Variants in SLC7A1 observed in about 807,000 individuals in gnomAD.
The protein encoded by SLC7A1 is high affinity cationic amino acid transporter 1.
SLC7A1 carries 10 observed loss-of-function variants against 53.9 expected under a neutral mutation model. That is an observed-to-expected ratio of 0.19 (90% CI 0.11 to 0.31). The LOEUF is 0.31. SLC7A1 is among the 10% of genes least tolerant of loss of function. SLC7A1 has a pLI of 1.00. For synonymous variants in SLC7A1, 342 were observed against 338.7 expected (o/e 1.01, Z -0.11); for missense variants, 525 against 827.2 (o/e 0.63, Z 4.48).
Position 29,510,976 on chromosome 13 carries a change from C to T in SLC7A1, c.*3504G>A, listed in dbSNP as rs1486343363. 6.6e-6 allele frequency: 1 copy of T among 152,320 alleles called. No homozygotes were observed. The highest frequency in any genetic ancestry group is 1.5e-5 in the Non-Finnish European group (1 of 68,090). 9.4% of individuals were successfully genotyped at this position (152,320 alleles called of 1,614,324 possible). The stretch of plus-strand genomic sequence containing the variant: ...GACTCATTGCCCTGTCTCCAGTCTC[C>T]ACTGTGGGTTGGGCTGGAGGCCATG... On this transcript the variant is annotated 3_prime_UTR_variant, in exon 13 of 13. Transcript: ENST00000380752.
intron 7 of SLC7A1, 77 bp downstream of exon 7, chr13:29,523,189 T>C (rs1868711359): frequency 1.7e-6 from 2 of 1,194,838 alleles, no homozygotes; most frequent in South Asian, 2.5e-5. Flanking sequence ...CTCGCATGGC[T>C]GTACCTGGCC....
chr13:29,533,402 C>A (rs554088485), intron 3 of SLC7A1, among the ~76,000 whole-genome samples: 4 of 152,292 alleles, frequency 2.6e-5, no homozygotes, highest in African/African-American at 9.6e-5. Context: ...GTGCAGCTGG[C>A]AGTCTGGAGG....
chr13:29,521,164 C>T (rs17073593), intron 8 of SLC7A1, among the ~76,000 whole-genome samples: 3,006 of 152,272 alleles, frequency 0.02, 106 homozygotes, highest in African/African-American at 0.067. Context: ...TGTGGTCACT[C>T]TCAAGAGCAT....
chr13:29,579,446 C>T (rs1038941850), intron 1 of SLC7A1, among the ~76,000 whole-genome samples: 3 of 151,978 alleles, frequency 2.0e-5, no homozygotes, highest in Admixed American at 6.6e-5. Flanking sequence ...CTGCAACCTC[C>T]GCCTCCTGAG....
chr13:29,527,800 C>T (rs1468430147), intron 5 of SLC7A1, among the ~76,000 whole-genome samples: 2 of 152,272 alleles, frequency 1.3e-5, no homozygotes, highest in Non-Finnish European at 2.9e-5. Context: ...GCCACCCTCA[C>T]ACCAGCCACC....
rs1883452488 is a variant in SLC7A1, at chr13:29,513,372, CTT to C, written c.*1106_*1107del. ...TTTCCAAGTTAATGTTATGCCCTAA[CTT>C]AATCTGGTGGAGTGTCACAATTTCA... On this transcript the variant is annotated 3_prime_UTR_variant, in exon 13 of 13. Transcript: ENST00000380752. The C allele has an allele frequency of 6.5e-6, 1 of 152,682 alleles. No individual in the cohort carries two copies. The highest frequency in any genetic ancestry group is 6.5e-5 in the Admixed American group (1 of 15,288). The allele number at this position is 152,682 out of a possible 1,614,324, so 9.5% of individuals were successfully genotyped here.
At chr13:29,548,918 C>T (rs754409595) in intron 2 of SLC7A1, among the ~76,000 whole-genome samples, 1 of 152,202 alleles carries the variant, frequency 6.6e-6, no homozygotes, top group Non-Finnish European at 1.5e-5. Flanking sequence ...TATGGTAGGT[C>T]TTCCTGCCCT....
Position 29,517,132 on chromosome 13 carries a change from C to T in SLC7A1, c.1677+12G>A, listed in dbSNP as rs774548214. 18 of 1,584,358 alleles carry T rather than the reference C, an allele frequency of 1.1e-5. No individual in the cohort carries two copies. Among genetic ancestry groups the T allele is most frequent in the African/African-American group, 5.4e-5 (4 of 74,160 alleles). On this transcript the variant is annotated intron_variant, in intron 11 of 12. Transcript: ENST00000380752. The stretch of plus-strand genomic sequence containing the variant: ...GTGTACCAGGGTTCCTTCCCTAGGC[C>T]GAGCTGCTCACCTTAAATGAGAGCT...
chr13:29,556,177 C>T (rs1870431050), intron 1 of SLC7A1, among the ~76,000 whole-genome samples: 1 of 152,108 alleles, frequency 6.6e-6, no homozygotes, highest in Admixed American at 6.5e-5. Flanking sequence ...TGCAGAAGCA[C>T]ATATATGAAT....
At chr13:29,557,196 A>C (rs1478372671) in intron 1 of SLC7A1, among the ~76,000 whole-genome samples, 1 of 152,184 alleles carries the variant, frequency 6.6e-6, no homozygotes, top group Admixed American at 6.5e-5. Context: ...TTGTTTCATA[A>C]ATATCGCAAG....
chr13:29,532,171 G>A (rs1869192546), intron 4 of SLC7A1, among the ~76,000 whole-genome samples: 1 of 152,170 alleles, frequency 6.6e-6, no homozygotes, highest in African/African-American at 2.4e-5. Flanking sequence ...GAATTTATCT[G>A]CATTTCAGCT....
At chr13:29,580,694 T>C (rs904314521) in intron 1 of SLC7A1, among the ~76,000 whole-genome samples, 5 of 152,210 alleles carry the variant, frequency 3.3e-5, no homozygotes, top group African/African-American at 1.2e-4. Context: ...GTTTCACCCA[T>C]GGAATATGTT....
At chr13:29,568,821 T>G (rs1462957139) in intron 1 of SLC7A1, among the ~76,000 whole-genome samples, 1 of 152,188 alleles carries the variant, frequency 6.6e-6, no homozygotes, top group African/African-American at 2.4e-5. Context: ...ACCACTTGCT[T>G]GATAAGCCCT....
chr13:29,580,188 G>C (rs1416544446), intron 1 of SLC7A1, among the ~76,000 whole-genome samples: 1 of 152,136 alleles, frequency 6.6e-6, no homozygotes, highest in Non-Finnish European at 1.5e-5. Flanking sequence ...CTGAGCCTGT[G>C]GGGTGAAGGT....
chr13:29,554,089 G>T (rs1208088139), intron 1 of SLC7A1, among the ~76,000 whole-genome samples: 2 of 152,210 alleles, frequency 1.3e-5, no homozygotes, highest in Admixed American at 6.5e-5. Flanking sequence ...CCGCACCAGA[G>T]ATTCCACCGC....
chr13:29,516,999 C>A, intron 11 of SLC7A1, 145 bp downstream of exon 11: 1 of 679,606 alleles, frequency 1.5e-6, no homozygotes, highest in Non-Finnish European at 2.4e-6. Context: ...GCCTTCAGGA[C>A]CCCTGCCCCA....
intron 3 of SLC7A1, among the ~76,000 whole-genome samples, chr13:29,533,217 C>T (rs1019612607): frequency 6.6e-6 from 1 of 152,164 alleles, no homozygotes; most frequent in Non-Finnish European, 1.5e-5. Context: ...ACCCAATATA[C>T]ACAGGTGTAT....
At chr13:29,592,645 G>A (rs1198435147) in intron 1 of SLC7A1, among the ~76,000 whole-genome samples, 1 of 152,204 alleles carries the variant, frequency 6.6e-6, no homozygotes, top group Admixed American at 6.5e-5. Flanking sequence ...GGGAGTGGGG[G>A]AGGAGGCAGA....
At chr13:29,542,411 C>T (rs916660336) in intron 2 of SLC7A1, among the ~76,000 whole-genome samples, 1 of 152,098 alleles carries the variant, frequency 6.6e-6, no homozygotes, top group Admixed American at 6.5e-5. Context: ...GCCGAGATCA[C>T]GCCATTGCAC....
Sources: allele counts gnomAD v4.1 joint callset (sites outside exome capture counted in the v4.1 genomes callset), GRCh38; gene constraint gnomAD v4.1.1; transcripts MANE v1.5; gene names NCBI Gene and HGNC (gene_info 2026-07-23, HGNC 2026-07-21).